ELMOD3: variants seen among roughly 807,000 people sequenced by gnomAD.
ELMOD3 encodes the protein ELMO domain-containing protein 3.
A neutral mutation model predicts 47.4 loss-of-function variants in ELMOD3; 36 were observed. The ratio of observed to expected loss-of-function variants is 0.76; its 90% CI spans 0.58 to 1.00. The LOEUF (loss-of-function observed/expected upper bound fraction) is 1.00. ELMOD3 is among the 50% of genes least tolerant of loss of function. The pLI, the probability that ELMOD3 is intolerant of heterozygous loss-of-function variation, is 0.00. For synonymous variants in ELMOD3, 149 were observed against 183.5 expected, an observed-to-expected ratio of 0.81 and a Z score of 1.52; for missense variants, 404 against 463.8, an observed-to-expected ratio of 0.87 and a Z score of 1.18.
intron 4 of ELMOD3, among the ~76,000 whole-genome samples, chr2:85,361,139 A>G (rs1211818696): frequency 1.3e-5 from 2 of 152,196 alleles, no homozygotes; most frequent in African/African-American, 4.8e-5. Context: ...TTTTAAAAGA[A>G]CACGTTGAAA....
At chr2:85,389,199 C>T (rs1686139062) in intron 11 of ELMOD3, among the ~76,000 whole-genome samples, 1 of 152,236 alleles carries the variant, frequency 6.6e-6, no homozygotes, top group African/African-American at 2.4e-5. Context: ...GGCTCTCAGG[C>T]CTCTGTGTTA....
intron 6 of ELMOD3, among the ~76,000 whole-genome samples, chr2:85,365,565 A>G (rs762234291): frequency 2.9e-4 from 44 of 152,154 alleles, no homozygotes; most frequent in Admixed American, 2.6e-4. Context: ...TCTGTTGGTC[A>G]GGGGAAAACA....
Position 85,369,341 on chromosome 2 carries a change from A to G in ELMOD3, c.269-398A>G, listed in dbSNP as rs1684619922. On this transcript the variant is annotated intron_variant, in intron 7 of 13. Coordinates refer to ENST00000409013, the MANE Select transcript of ELMOD3 (RefSeq NM_001135022.2). ...TCCCTATTGGCTATAACAGAGGTGT[A>G]TGGTTGGGGGTTCCTATACAGGGTG... 3.3e-5 allele frequency among the ~76,000 whole-genome samples: 5 copies of G among 152,304 alleles called. No homozygotes were observed. The South Asian group carries it at 1.0e-3, about 32-fold the overall frequency.
Position 85,377,431 on chromosome 2 carries a change from C to T in ELMOD3, c.695C>T (p.Pro232Leu), listed in dbSNP as rs750932243. ...LYLVMDSKTL[P>L]MAQEIFRLSR... ...CTGGTGATGGACTCAAAGACCTTGC[C>T]GATGGCGCAGGAGATTTTCCGCCTG... Residue 232 changes from proline to leucine, a missense_variant, in exon 11 of 14, where the codon CCG (proline) becomes CTG (leucine). Physicochemically the swap from Pro to Leu is moderately conservative, Grantham distance 98. Transcript: ENST00000409013. 20 of 1,610,326 alleles carry T rather than the reference C, an allele frequency of 1.2e-5. No homozygotes were observed. Among genetic ancestry groups the T allele is most frequent in the Admixed American group, 3.4e-5 (2 of 59,584 alleles).
At chr2:85,368,844 G>A in intron 7 of ELMOD3, 90 bp downstream of exon 7, 1 of 1,347,382 alleles carries the variant, frequency 7.4e-7, no homozygotes, top group South Asian at 1.2e-5. Flanking sequence ...GTGAGTCTGG[G>A]ACTAGGAGAT....
chr2:85,381,610 T>C (rs944871213), intron 11 of ELMOD3, among the ~76,000 whole-genome samples: 1 of 152,334 alleles, frequency 6.6e-6, no homozygotes, highest in South Asian at 2.1e-4. Context: ...TCAGTGTGCC[T>C]TTGACATTCA....
chr2:85,382,720 T>C (rs1685654911), intron 11 of ELMOD3, among the ~76,000 whole-genome samples: 1 of 152,064 alleles, frequency 6.6e-6, no homozygotes, highest in Admixed American at 6.5e-5. Context: ...TTCACTATGT[T>C]GAACAGGCTG....
At chr2:85,365,638 T>C (rs140222207) in intron 6 of ELMOD3, among the ~76,000 whole-genome samples, 1 of 152,198 alleles carries the variant, frequency 6.6e-6, no homozygotes, top group African/African-American at 2.4e-5. Flanking sequence ...AGCTCTTACG[T>C]GGTTTGGGCA....
chr2:85,387,902 G>A (rs1458935735), intron 11 of ELMOD3, among the ~76,000 whole-genome samples: 2 of 152,098 alleles, frequency 1.3e-5, no homozygotes, highest in Non-Finnish European at 2.9e-5. Context: ...GAAACCAGGT[G>A]GTGATGTCCA....
chr2:85,374,641 CA>C lies in ELMOD3; in HGVS notation c.608-2692del, dbSNP rs530056930. 1.0e-3 allele frequency among the ~76,000 whole-genome samples: 148 copies of C among 141,554 alleles called. 2 individuals are homozygous for C. The Middle Eastern group carries it at 0.014, about 14-fold the overall frequency. 92.9% of individuals were successfully genotyped at this position (141,554 alleles called of 152,430 possible). ...ACAGGCATAAGCCACCATGCCTGGC[CA>C]AAAAAAAAAACTTTTGTTTAGTAGC... On this transcript the variant is annotated intron_variant, in intron 10 of 13. Transcript: ENST00000409013.
At chr2:85,363,212 C>T in intron 6 of ELMOD3, 46 bp downstream of exon 6, 1 of 1,052,272 alleles carries the variant, frequency 9.5e-7, no homozygotes, top group Middle Eastern at 2.0e-4. Flanking sequence ...GGACCCAAGT[C>T]AGACCTTCCC....
intron 5 of ELMOD3, among the ~76,000 whole-genome samples, chr2:85,362,509 C>T (rs990540826): frequency 1.3e-5 from 2 of 152,136 alleles, no homozygotes; most frequent in African/African-American, 4.8e-5. Context: ...AGGCACACCA[C>T]AGTCTGAAAT....
chr2:85,377,640 A>G (rs953007508), intron 11 of ELMOD3, among the ~76,000 whole-genome samples, 166 bp downstream of exon 11: 2 of 152,250 alleles, frequency 1.3e-5, no homozygotes, highest in Non-Finnish European at 2.9e-5. Context: ...GTGTAGCTCA[A>G]GCAAGTTCCT....
chr2:85,373,744 C>A (rs1190086329), intron 10 of ELMOD3, among the ~76,000 whole-genome samples: 2 of 151,232 alleles, frequency 1.3e-5, no homozygotes, highest in African/African-American at 4.9e-5. Context: ...GAGGCTGAGG[C>A]AGGAGAATTG....
chr2:85,373,169 C>T (rs1051394486), intron 10 of ELMOD3, among the ~76,000 whole-genome samples: 25 of 151,262 alleles, frequency 1.7e-4, no homozygotes, highest in Admixed American at 6.6e-5. Context: ...GCAGGAGAAT[C>T]GCTTGAACCC....
At position 85,357,030 on chromosome 2, in the gene ELMOD3, G is replaced by A. The variant is rs149065631; in HGVS notation, c.-169G>A. ...ACTCACAGAAACCTCCTACACCCTC[G>A]GATGGCACAAAGGGACTGTTTTCTT... On this transcript the variant is annotated 5_prime_UTR_variant, in exon 4 of 14. Coordinates refer to ENST00000409013, the MANE Select transcript of ELMOD3 (RefSeq NM_001135022.2). The A allele has an allele frequency of 1.1e-3, 574 of 540,440 alleles. 4 individuals are homozygous for A. Among genetic ancestry groups the A allele is most frequent in the African/African-American group, 9.7e-3 (491 of 50,600 alleles). 33.5% of individuals were successfully genotyped at this position (540,440 alleles called of 1,614,324 possible).
rs892964359 is a variant in ELMOD3 at position 85,381,978 on chromosome 2, G to A, written c.738+4504G>A. ...TAAAAATACAAAAAATTAGCTGGGC[G>A]TGGTGGCGGGTGCCTGTAATCCCAG... is the stretch of plus-strand genomic sequence containing the variant. On this transcript the variant is annotated intron_variant, in intron 11 of 13. Coordinates refer to ENST00000409013, the MANE Select transcript of ELMOD3 (RefSeq NM_001135022.2). 2.0e-5 allele frequency among the ~76,000 whole-genome samples: 3 copies of A among 151,176 alleles called. No homozygotes were observed. The Admixed American group carries it at 2.0e-4, about 10-fold the overall frequency.
Position 85,357,040 on chromosome 2 carries a change from A to G in ELMOD3, c.-159A>G, listed in dbSNP as rs557168956. ...ACCTCCTACACCCTCGGATGGCACA[A>G]AGGGACTGTTTTCTTACTCTTAGTC... On this transcript the variant is annotated 5_prime_UTR_variant, in exon 4 of 14. Coordinates refer to ENST00000409013, the MANE Select transcript of ELMOD3 (RefSeq NM_001135022.2). 3.5e-5 allele frequency: 20 copies of G among 569,214 alleles called. No individual in the cohort carries two copies. The highest frequency in any genetic ancestry group is 3.1e-4 in the African/African-American group (16 of 51,408). 35.3% of individuals were successfully genotyped at this position (569,214 alleles called of 1,614,324 possible). A position where few individuals can be genotyped will look rare whatever the true frequency, so the allele number is the denominator to read the frequency against.
Position 85,364,239 on chromosome 2 carries a change from C to A in ELMOD3, c.199+1073C>A, listed in dbSNP as rs564561816. The stretch of plus-strand genomic sequence containing the variant: ...TTTGTGGGTTCAAGCAGTCTTCCCA[C>A]CTCAGCCTCCTGAGTAATTGTGTAC... On this transcript the variant is annotated intron_variant, in intron 6 of 13. Coordinates refer to ENST00000409013, the MANE Select transcript of ELMOD3 (RefSeq NM_001135022.2). Among the ~76,000 whole-genome samples, 29 of 151,774 alleles carry A rather than the reference C, an allele frequency of 1.9e-4. No individual in the cohort carries two copies. The South Asian group carries it at 5.6e-3, about 29-fold the overall frequency.
Sources: gnomAD v4.1 joint callset for allele counts (sites outside exome capture counted in the v4.1 genomes callset) on GRCh38, gnomAD v4.1.1 for gene constraint, MANE v1.5 for transcripts, NCBI Gene and HGNC (gene_info 2026-07-23, HGNC 2026-07-21) for gene names.